Variants in PRKN observed in about 807,000 individuals in gnomAD.
The protein encoded by PRKN is E3 ubiquitin-protein ligase parkin.
In PRKN, 56 loss-of-function variants were observed where a neutral mutation model predicts 59.5. The ratio of observed to expected loss-of-function variants is 0.94; its 90% CI spans 0.76 to 1.18. The LOEUF (loss-of-function observed/expected upper bound fraction) is 1.18, where lower values mean the gene tolerates loss of function less well. PRKN is among the 50% of genes most tolerant of loss of function. The probability of loss-of-function intolerance (pLI) is 0.00; values close to 1 mark genes in which losing one functional copy is unlikely to be tolerated. For synonymous variants in PRKN, 250 were observed against 222.1 expected, an observed-to-expected ratio of 1.13 and a Z score of -1.12; for missense variants, 657 against 596.4, an observed-to-expected ratio of 1.10 and a Z score of -1.06.
intron 6 of PRKN, among the ~76,000 whole-genome samples, chr6:161,858,567 G>C (rs1442290082): frequency 6.6e-6 from 1 of 152,088 alleles, no homozygotes; most frequent in Non-Finnish European, 1.5e-5. Context: ...TCTGCTCTCT[G>C]AATACCCACC....
chr6:162,452,524 C>CAA (rs967527227), intron 1 of PRKN, among the ~76,000 whole-genome samples: 1 of 151,682 alleles, frequency 6.6e-6, no homozygotes, highest in African/African-American at 2.4e-5. Flanking sequence ...GCAATATTAA[C>CAA]AATGAAGAAA....
chr6:162,274,168 T>TATTAATTAATTA (rs1448292234), intron 2 of PRKN, among the ~76,000 whole-genome samples: 122 of 151,512 alleles, frequency 8.1e-4, no homozygotes, highest in Middle Eastern at 3.4e-3. Context: ...TTAATTAATT[T>TATTAATTAATTA]ATTAATTTAT....
intron 6 of PRKN, among the ~76,000 whole-genome samples, chr6:161,859,467 G>T (rs1793799444): frequency 6.6e-6 from 1 of 151,786 alleles, no homozygotes; most frequent in African/African-American, 2.4e-5. Context: ...GCTGGGCATG[G>T]TGGCGCATGC....
intron 7 of PRKN, among the ~76,000 whole-genome samples, chr6:161,763,655 A>C (rs970440072): frequency 6.6e-6 from 1 of 152,004 alleles, no homozygotes; most frequent in African/African-American, 2.4e-5. Context: ...CATTTACAGA[A>C]CTTCAACAGC....
At chr6:162,548,454 C>A (rs1374188469) in intron 1 of PRKN, among the ~76,000 whole-genome samples, 1 of 152,112 alleles carries the variant, frequency 6.6e-6, no homozygotes, top group Non-Finnish European at 1.5e-5. Flanking sequence ...CAACATCAAA[C>A]GCAAAGATCA....
intron 6 of PRKN, among the ~76,000 whole-genome samples, chr6:161,909,305 G>A (rs1227691626): frequency 6.6e-6 from 1 of 152,076 alleles, no homozygotes; most frequent in Admixed American, 6.6e-5. Flanking sequence ...ATTTAAAGAA[G>A]GTGACTTGTT....
chr6:161,352,755 G>GTGTGTA lies in PRKN; in HGVS notation c.1286-2545_1286-2544insTACACA, dbSNP rs766949960. Among the ~76,000 whole-genome samples, 90 of 134,368 alleles carry GTGTGTA rather than the reference G, an allele frequency of 6.7e-4. 1 individual carries two copies. The South Asian group carries it at 0.015, about 22-fold the overall frequency. The allele number at this position is 134,368 out of a possible 152,430, so 88.2% of individuals were successfully genotyped here. A position where few individuals can be genotyped will look rare whatever the true frequency, so the allele number is the denominator to read the frequency against. ...TGTGTGTGTGTGTGTGTGTGTGTGTGTATATATATATATATATTTTATTTT... is the reference window on the plus strand; with the variant it reads ...TGTGTGTGTGTGTGTGTGTGTGTGTGTGTGTATATATATATATATATATTTTATTTT... On this transcript the variant is annotated intron_variant, in intron 11 of 11. Transcript: ENST00000366898. The surrounding 1 kb of genome is among the most constrained non-coding windows in gnomAD (Gnocchi z 5.8).
intron 6 of PRKN, 139 bp downstream of exon 6, chr6:161,973,163 C>A: frequency 1.5e-6 from 1 of 689,174 alleles, no homozygotes; most frequent in Non-Finnish European, 2.7e-6. Flanking sequence ...AAAGCAGACA[C>A]TCCCCAGGAA....
intron 6 of PRKN, among the ~76,000 whole-genome samples, chr6:161,842,723 C>A (rs1312551563): frequency 1.3e-5 from 2 of 152,054 alleles, no homozygotes; most frequent in Non-Finnish European, 2.9e-5. Flanking sequence ...TGCCACCATG[C>A]CTGGCTAATT....
In PRKN at chr6:161,460,590, C is replaced by G. The variant is rs969186785; in HGVS notation, c.1084-73713G>C. Among the ~76,000 whole-genome samples, 1 of 152,106 alleles carries G rather than the reference C, an allele frequency of 6.6e-6. No homozygotes were observed. Among genetic ancestry groups the G allele is most frequent in the Admixed American group, 6.5e-5 (1 of 15,280 alleles). ...GTAGAAGCCCCAGGTGCCACATGTG[C>G]TGGCAGGAGTTCCGGGGGCACAAGG... On this transcript the variant is annotated intron_variant, in intron 9 of 11. Transcript: ENST00000366898. The surrounding 1 kb of genome is among the most constrained non-coding windows in gnomAD (Gnocchi z 5.0).
At chr6:162,338,865 G>A (rs1357121867) in intron 2 of PRKN, among the ~76,000 whole-genome samples, 4 of 149,732 alleles carry the variant, frequency 2.7e-5, no homozygotes, top group Non-Finnish European at 4.4e-5. Context: ...CTGCCCGGCC[G>A]CCCATCGTCT....
chr6:161,819,129 T>C (rs1002838484), intron 6 of PRKN, among the ~76,000 whole-genome samples: 10 of 152,050 alleles, frequency 6.6e-5, no homozygotes, highest in African/African-American at 2.2e-4. Context: ...TCTCATAGAG[T>C]CCTTGACTGT....
chr6:162,676,983 C>T (rs1178670966), intron 1 of PRKN, among the ~76,000 whole-genome samples: 4 of 150,678 alleles, frequency 2.7e-5, no homozygotes, highest in Non-Finnish European at 5.9e-5. Context: ...ATCGCTTGAA[C>T]CCGGGAGGCA....
intron 5 of PRKN, among the ~76,000 whole-genome samples, chr6:162,006,391 G>GC (rs1245796257): frequency 3.3e-5 from 5 of 152,108 alleles, no homozygotes; most frequent in African/African-American, 1.2e-4. Context: ...TCAACATTGT[G>GC]CACTCAATTT....
chr6:161,644,835 CG>C (rs1484298577), intron 7 of PRKN, among the ~76,000 whole-genome samples: 2 of 152,178 alleles, frequency 1.3e-5, no homozygotes, highest in Non-Finnish European at 2.9e-5. Context: ...CAAGGCTGCC[CG>C]AAATGACTCA....
Position 161,369,425 on chromosome 6 carries a change from G to A in PRKN, c.1168-9220C>T, listed in dbSNP as rs1364840525. Among the ~76,000 whole-genome samples, 1 of 152,206 alleles carries A rather than the reference G, an allele frequency of 6.6e-6. No homozygotes were observed. Among genetic ancestry groups the A allele is most frequent in the African/African-American group, 2.4e-5 (1 of 41,450 alleles). ...GCGATTCTCCCTTTGCGCCTGAAGA[G>A]GAACATGGTGAGCTGGGTAACTTAC... On this transcript the variant is annotated intron_variant, in intron 10 of 11. Coordinates refer to ENST00000366898, the MANE Select transcript of PRKN (RefSeq NM_004562.3). The surrounding 1 kb of genome is among the most constrained non-coding windows in gnomAD (Gnocchi z 5.8).
At chr6:162,672,607 A>C (rs1779367431) in intron 1 of PRKN, among the ~76,000 whole-genome samples, 1 of 152,074 alleles carries the variant, frequency 6.6e-6, no homozygotes, top group Non-Finnish European at 1.5e-5. Flanking sequence ...AAATTTTAGA[A>C]AGTTTGTAAA....
chr6:162,663,268 A>T (rs1778965127), intron 1 of PRKN, among the ~76,000 whole-genome samples: 1 of 152,164 alleles, frequency 6.6e-6, no homozygotes. Context: ...ATTTCACAGA[A>T]AAGTGTGGCA....
intron 4 of PRKN, among the ~76,000 whole-genome samples, chr6:162,159,280 T>C (rs1180804062): frequency 6.6e-6 from 1 of 152,240 alleles, no homozygotes; most frequent in African/African-American, 2.4e-5. Context: ...CAGAACTTAA[T>C]GTTTCTTATA....
Sources: gnomAD v4.1 joint callset for allele counts (sites outside exome capture counted in the v4.1 genomes callset) on GRCh38, gnomAD v4.1.1 for gene constraint, Gnocchi (gnomAD v3.1) non-coding constraint, MANE v1.5 for transcripts, NCBI Gene and HGNC (gene_info 2026-07-23, HGNC 2026-07-21) for gene names.